Variants in ROBO1 observed in about 807,000 individuals in gnomAD.
The protein encoded by ROBO1 is roundabout guidance receptor 1, also known as roundabout homolog 1.
ROBO1 carries 149 observed loss-of-function variants against 195.9 expected under a neutral mutation model. That is an observed-to-expected ratio of 0.76 (90% CI 0.67 to 0.87). The LOEUF (loss-of-function observed/expected upper bound fraction) is 0.87, where lower values mean the gene tolerates loss of function less well. ROBO1 is among the 40% of genes least tolerant of loss of function. ROBO1 has a pLI of 0.00. For missense variants in ROBO1, 1,933 were observed against 2,068.3 expected, an observed-to-expected ratio of 0.93 and a Z score of 1.27; for synonymous variants, 816 against 733.2, an observed-to-expected ratio of 1.11 and a Z score of -1.82.
intron 8 of ROBO1, among the ~76,000 whole-genome samples, chr3:78,711,039 A>T (rs959421588): frequency 2.6e-5 from 4 of 152,166 alleles, no homozygotes; most frequent in Non-Finnish European, 2.9e-5. Flanking sequence ...CATTCTTTTT[A>T]AAAAATACAT....
chr3:78,638,170 A>AGT (rs1013273985), intron 22 of ROBO1, among the ~76,000 whole-genome samples: 43 of 147,776 alleles, frequency 2.9e-4, no homozygotes, highest in East Asian at 7.9e-4. Flanking sequence ...GCACACCTGC[A>AGT]GTGTGTGTGT....
chr3:79,242,142 C>A (rs2108882824), intron 2 of ROBO1, among the ~76,000 whole-genome samples: 1 of 151,992 alleles, frequency 6.6e-6, no homozygotes, highest in Non-Finnish European at 1.5e-5. Flanking sequence ...GGAATTGAAG[C>A]AGCTGCCTTA....
chr3:78,666,413 A>C (rs1707739690), intron 14 of ROBO1, among the ~76,000 whole-genome samples: 1 of 152,236 alleles, frequency 6.6e-6, no homozygotes, highest in African/African-American at 2.4e-5. Flanking sequence ...AGAATCATGC[A>C]TGTGAGTACA....
At chr3:79,759,930 A>G (rs1704596361) in intron 1 of ROBO1, among the ~76,000 whole-genome samples, 1 of 152,026 alleles carries the variant, frequency 6.6e-6, no homozygotes, top group African/African-American at 2.4e-5. Flanking sequence ...AGATCAAAAG[A>G]CCTGAATGTA....
chr3:79,290,107 C>G (rs191838543), intron 2 of ROBO1, among the ~76,000 whole-genome samples: 70 of 152,210 alleles, frequency 4.6e-4, no homozygotes, highest in Middle Eastern at 6.8e-3. Flanking sequence ...GGTGCGATCT[C>G]AGCTCACTGC....
chr3:78,948,179 C>A (rs2040563578), intron 3 of ROBO1, among the ~76,000 whole-genome samples: 1 of 152,110 alleles, frequency 6.6e-6, no homozygotes, highest in Non-Finnish European at 1.5e-5. Flanking sequence ...TTTATGAGGC[C>A]AGCATCATCC....
At chr3:79,105,199 A>G (rs976387249) in intron 3 of ROBO1, among the ~76,000 whole-genome samples, 1 of 151,826 alleles carries the variant, frequency 6.6e-6, no homozygotes, top group East Asian at 1.9e-4. Flanking sequence ...ATGTAAGTTA[A>G]ACTACTAACG....
intron 2 of ROBO1, among the ~76,000 whole-genome samples, chr3:79,292,165 T>G (rs2109030445): frequency 6.6e-6 from 1 of 152,308 alleles, no homozygotes; most frequent in Non-Finnish European, 1.5e-5. Context: ...ACTCATGATT[T>G]GGTTCTCTGT....
intron 2 of ROBO1, among the ~76,000 whole-genome samples, chr3:79,500,634 C>T (rs150744008): frequency 2.6e-4 from 39 of 152,300 alleles, no homozygotes; most frequent in African/African-American, 8.7e-4. Flanking sequence ...TCAAAGCAAC[C>T]TCTAGGAAAC....
intron 4 of ROBO1, among the ~76,000 whole-genome samples, chr3:78,901,041 A>C (rs2037551848): frequency 1.3e-5 from 2 of 152,136 alleles, no homozygotes; most frequent in South Asian, 2.1e-4. Flanking sequence ...TATTGTGAGA[A>C]TCTTTTCCAG....
In ROBO1 at chr3:78,978,416, A is replaced by G. The variant is rs77881812; in HGVS notation, c.173-39489T>C. On this transcript the variant is annotated intron_variant, in intron 3 of 30. Coordinates refer to ENST00000464233, the MANE Select transcript of ROBO1 (RefSeq NM_002941.4). ...CATTTGTTTGAAATGCTGAGAAATG[A>G]CAACACTGGTATTAATAATACTAAT... Among the ~76,000 whole-genome samples the G allele has an allele frequency of 3.3e-3, 497 of 152,224 alleles. 2 individuals carry two copies. The highest frequency in any genetic ancestry group is 5.4e-3 in the Non-Finnish European group (368 of 68,014).
intron 4 of ROBO1, among the ~76,000 whole-genome samples, chr3:78,795,695 C>A (rs377755297): frequency 7.0e-6 from 1 of 143,506 alleles, no homozygotes; most frequent in Non-Finnish European, 1.6e-5. Context: ...TTTATAGCTA[C>A]GGAGGCATGT....
chr3:79,465,318 T>A (rs1038121522), intron 2 of ROBO1, among the ~76,000 whole-genome samples: 35 of 152,100 alleles, frequency 2.3e-4, no homozygotes, highest in Non-Finnish European at 4.0e-4. Flanking sequence ...CTCAGAACTA[T>A]CGCAAAAAAG....
At chr3:79,376,997 T>C (rs1298919283) in intron 2 of ROBO1, among the ~76,000 whole-genome samples, 1 of 151,988 alleles carries the variant, frequency 6.6e-6, no homozygotes, top group Admixed American at 6.6e-5. Flanking sequence ...GAAATAAAAA[T>C]ATATAATTAG....
rs1013819931 is a variant in ROBO1 at position 79,049,924 on chromosome 3, C to T, written c.172+75532G>A. Among the ~76,000 whole-genome samples, 9 of 152,246 alleles carry T rather than the reference C, an allele frequency of 5.9e-5. No individual in the cohort carries two copies. In the East Asian group the frequency reaches 1.7e-3, roughly 29 times the overall value. On this transcript the variant is annotated intron_variant, in intron 3 of 30. Coordinates refer to ENST00000464233, the MANE Select transcript of ROBO1 (RefSeq NM_002941.4). ...TAAACATGAAAAGGAAAAACCAGCA[C>T]CAGCCACTGAAAAACATGCCAAATT...
intron 4 of ROBO1, among the ~76,000 whole-genome samples, chr3:78,829,904 T>G (rs2108732428): frequency 6.6e-6 from 1 of 152,308 alleles, no homozygotes; most frequent in South Asian, 2.1e-4. Context: ...TGTCCTTTTC[T>G]TAGGGCTTTA....
chr3:79,679,828 A>G (rs1033075692), intron 1 of ROBO1, among the ~76,000 whole-genome samples: 2 of 151,990 alleles, frequency 1.3e-5, no homozygotes, highest in African/African-American at 4.8e-5. Flanking sequence ...CATAGACTAC[A>G]GGCTTTATGA....
In ROBO1 at chr3:79,372,592, C is replaced by G. The variant is rs557376985; in HGVS notation, c.88+217232G>C. On this transcript the variant is annotated intron_variant, in intron 2 of 30. Transcript: ENST00000464233. ...TCTCTCTCTTTCTCTGCCTTCCCCC[C>G]TACCCCTCAGAAAAATACATACACA... Among the ~76,000 whole-genome samples, 6 of 152,098 alleles carry G rather than the reference C, an allele frequency of 3.9e-5. No homozygotes were observed. The South Asian group carries it at 1.2e-3, about 32-fold the overall frequency.
chr3:79,042,015 A>C (rs1247160458), intron 3 of ROBO1, among the ~76,000 whole-genome samples: 1 of 152,206 alleles, frequency 6.6e-6, no homozygotes, highest in Non-Finnish European at 1.5e-5. Context: ...CACCCAAGGG[A>C]GGCAACATTC....
Sources: allele counts gnomAD v4.1 joint callset (sites outside exome capture counted in the v4.1 genomes callset), GRCh38; gene constraint gnomAD v4.1.1; transcripts MANE v1.5; gene names NCBI Gene and HGNC (gene_info 2026-07-23, HGNC 2026-07-21).